The following PTPRN2 variants were observed in gnomAD, a reference collection of about 807,000 sequenced individuals.
PTPRN2 encodes the protein protein tyrosine phosphatase receptor type N2.
In PTPRN2, 74 loss-of-function variants were observed where a neutral mutation model predicts 118.8. The observed-to-expected ratio is 0.62, with a 90% confidence interval of 0.52 to 0.76. The LOEUF (loss-of-function observed/expected upper bound fraction) is 0.76, where lower values mean the gene tolerates loss of function less well. Among genes scored for constraint, PTPRN2 ranks in the 30% least tolerant of loss-of-function variants. The pLI, the probability that PTPRN2 is intolerant of heterozygous loss-of-function variation, is 0.00. For synonymous variants in PTPRN2, 641 were observed against 608.0 expected (o/e 1.05, Z -0.80); for missense variants, 1,481 against 1,394.4 (o/e 1.06, Z -0.99).
rs183927062 is a variant in PTPRN2 at position 158,167,959 on chromosome 7, T to A, written c.550-668A>T. Among the ~76,000 whole-genome samples, 173 of 152,382 alleles carry A rather than the reference T, an allele frequency of 1.1e-3. 1 individual carries two copies. The highest frequency in any genetic ancestry group is 3.8e-3 in the African/African-American group (157 of 41,600). On this transcript the variant is annotated intron_variant, in intron 5 of 22. Coordinates refer to ENST00000389418, the MANE Select transcript of PTPRN2 (RefSeq NM_002847.5). ...TTTTGGCTATTTTGAATAATGCTGC[T>A]ATGAGTATTCATTTATGAGTCTGTG...
In PTPRN2 at chr7:157,585,023, C is replaced by G. The variant is rs928511209; in HGVS notation, c.2497-6883G>C. ...CCTTCGTGATGCCGTCCATGACCAG[C>G]TCATGGTGCACCTACCTGGCTTTTT... On this transcript the variant is annotated intron_variant, in intron 17 of 22. Coordinates refer to ENST00000389418, the MANE Select transcript of PTPRN2 (RefSeq NM_002847.5). This position sits in a 1 kb window ranked among gnomAD's most constrained non-coding sequence, Gnocchi z 5.2. Among the ~76,000 whole-genome samples, 32 of 152,160 alleles carry G rather than the reference C, an allele frequency of 2.1e-4. No homozygotes were observed. The highest frequency in any genetic ancestry group is 7.7e-4 in the African/African-American group (32 of 41,430).
chr7:158,525,079 T>A lies in PTPRN2; in HGVS notation c.113-35294A>T, dbSNP rs182212795. ...AAGACTGTGGCTCAGGATGCAAGGCTCTGACTGAACCCTCAAGCTGGCCCT... is the reference window on the plus strand; with the variant it reads ...AAGACTGTGGCTCAGGATGCAAGGCACTGACTGAACCCTCAAGCTGGCCCT... On this transcript the variant is annotated intron_variant, in intron 1 of 22. Coordinates refer to ENST00000389418, the MANE Select transcript of PTPRN2 (RefSeq NM_002847.5). The surrounding 1 kb of genome is among the most constrained non-coding windows in gnomAD (Gnocchi z 4.1). 4.0e-4 allele frequency among the ~76,000 whole-genome samples: 61 copies of A among 152,150 alleles called. No individual in the cohort carries two copies. The East Asian group carries it at 9.3e-3, about 23-fold the overall frequency.
intron 11 of PTPRN2, among the ~76,000 whole-genome samples, chr7:158,070,314 G>A (rs531014832): frequency 5.3e-4 from 80 of 149,548 alleles, no homozygotes; most frequent in South Asian, 1.1e-3. Flanking sequence ...GCTCCTGGTG[G>A]TGGAGGTGCT....
At chr7:158,234,472 T>C (rs1268917503) in intron 3 of PTPRN2, among the ~76,000 whole-genome samples, 3 of 149,184 alleles carry the variant, frequency 2.0e-5, no homozygotes, top group Non-Finnish European at 4.4e-5. Flanking sequence ...GGTAAACAGA[T>C]ATAGTCATCA....
intron 6 of PTPRN2, among the ~76,000 whole-genome samples, chr7:158,139,194 T>C (rs1264112048): frequency 6.6e-6 from 1 of 152,096 alleles, no homozygotes; most frequent in Non-Finnish European, 1.5e-5. Context: ...CAGTCGATGA[T>C]TAGAGCGAGG....
At position 157,615,732 on chromosome 7, in the gene PTPRN2, A is replaced by C. The variant is rs974933755; in HGVS notation, c.2344+5630T>G. On this transcript the variant is annotated intron_variant, in intron 15 of 22. Coordinates refer to ENST00000389418, the MANE Select transcript of PTPRN2 (RefSeq NM_002847.5). This position sits in a 1 kb window ranked among gnomAD's most constrained non-coding sequence, Gnocchi z 4.3. The stretch of plus-strand genomic sequence containing the variant: ...AGGGAGGTGACGCAGTGACTCAGGA[A>C]CCACAAGCTCTGGAGGCTGAACGAG... 4.9e-6 allele frequency: 2 copies of C among 405,618 alleles called. No individual in the cohort carries two copies. The highest frequency in any genetic ancestry group is 4.1e-5 in the African/African-American group (2 of 48,982). The allele number at this position is 405,618 out of a possible 1,614,324, so 25.1% of individuals were successfully genotyped here. A position where few individuals can be genotyped will look rare whatever the true frequency, so the allele number is the denominator to read the frequency against.
chr7:158,136,346 C>T (rs2150448559), intron 8 of PTPRN2, among the ~76,000 whole-genome samples: 1 of 152,332 alleles, frequency 6.6e-6, no homozygotes, highest in African/African-American at 2.4e-5. Flanking sequence ...TGGGCACAGG[C>T]TGCCGTGTGA....
chr7:157,751,004 C>T (rs1440539092), intron 12 of PTPRN2, among the ~76,000 whole-genome samples: 3 of 152,236 alleles, frequency 2.0e-5, no homozygotes, highest in Admixed American at 1.3e-4. Context: ...GGCTACTCGA[C>T]CGTGGGCTCT....
At chr7:157,902,717 C>T (rs560003233) in intron 11 of PTPRN2, among the ~76,000 whole-genome samples, 7 of 152,288 alleles carry the variant, frequency 4.6e-5, no homozygotes, top group East Asian at 3.9e-4. Flanking sequence ...GATGCCGATG[C>T]GAGAGTGAGG....
intron 5 of PTPRN2, among the ~76,000 whole-genome samples, chr7:158,185,743 A>G (rs1213345742): frequency 6.6e-6 from 1 of 152,100 alleles, no homozygotes; most frequent in Non-Finnish European, 1.5e-5. Flanking sequence ...CCAGGCTTGG[A>G]TCTGGGCTCC....
chr7:158,085,636 A>G (rs1813313701), intron 10 of PTPRN2, among the ~76,000 whole-genome samples: 2 of 93,578 alleles, frequency 2.1e-5, no homozygotes, highest in African/African-American at 4.2e-5. Flanking sequence ...CTCGACGCCC[A>G]TCCACACAGA....
chr7:157,582,843 C>T (rs1800470384), intron 17 of PTPRN2, among the ~76,000 whole-genome samples: 1 of 150,864 alleles, frequency 6.6e-6, no homozygotes, highest in South Asian at 2.1e-4. Flanking sequence ...CATTGCACTC[C>T]AGCCTGGGTA....
At chr7:158,321,939 C>T (rs779663870) in intron 2 of PTPRN2, among the ~76,000 whole-genome samples, 10 of 152,218 alleles carry the variant, frequency 6.6e-5, no homozygotes, top group Non-Finnish European at 7.3e-5. Flanking sequence ...TAAACCCTTC[C>T]GGCAAACAGA....
Position 158,116,678 on chromosome 7 carries a change from T to G in PTPRN2, c.1557-5763A>C, listed in dbSNP as rs1816757066. Among the ~76,000 whole-genome samples, 5 of 152,314 alleles carry G rather than the reference T, an allele frequency of 3.3e-5. No individual in the cohort carries two copies. In the South Asian group the frequency reaches 1.0e-3, roughly 32 times the overall value. On this transcript the variant is annotated intron_variant, in intron 9 of 22. Coordinates refer to ENST00000389418, the MANE Select transcript of PTPRN2 (RefSeq NM_002847.5). ...TTGGCCACCTCCTCATTGTTGTTGC[T>G]CCTCCCCCTCTGGCCAAAATGACTT...
At chr7:157,963,123 C>T (rs4019377) in intron 11 of PTPRN2, among the ~76,000 whole-genome samples, 46,065 of 152,234 alleles carry the variant, frequency 0.3, 8,827 homozygotes, top group Non-Finnish European at 0.43. Flanking sequence ...ACTCTCAGCT[C>T]TGACAGCCAC....
At chr7:158,125,614 T>A (rs1196476204) in intron 9 of PTPRN2, among the ~76,000 whole-genome samples, 7 of 152,162 alleles carry the variant, frequency 4.6e-5, no homozygotes, top group Non-Finnish European at 1.0e-4. Context: ...AATAAATCCA[T>A]CATGCTACAG....
At chr7:157,793,166 G>C (rs1444160678) in intron 12 of PTPRN2, among the ~76,000 whole-genome samples, 2 of 151,576 alleles carry the variant, frequency 1.3e-5, no homozygotes, top group Non-Finnish European at 2.9e-5. Context: ...TGCCCAGGAC[G>C]GGCTCAGGCA....
chr7:157,993,799 G>T (rs370495946), intron 11 of PTPRN2, among the ~76,000 whole-genome samples: 4 of 152,128 alleles, frequency 2.6e-5, no homozygotes, highest in South Asian at 4.1e-4. Context: ...GGGGTTGAAG[G>T]CCTCTCTGGA....
intron 2 of PTPRN2, among the ~76,000 whole-genome samples, chr7:158,471,901 C>T (rs1456911757): frequency 6.6e-6 from 1 of 152,218 alleles, no homozygotes; most frequent in Non-Finnish European, 1.5e-5. Flanking sequence ...TCGGCTGAGA[C>T]CACTGTCAGG....
Sources: gnomAD v4.1 joint callset for allele counts (sites outside exome capture counted in the v4.1 genomes callset) on GRCh38, gnomAD v4.1.1 for gene constraint, Gnocchi (gnomAD v3.1) non-coding constraint, MANE v1.5 for transcripts, NCBI Gene and HGNC (gene_info 2026-07-23, HGNC 2026-07-21) for gene names.